Variants in RNF169 observed in about 807,000 individuals in gnomAD.
RNF169 encodes the protein E3 ubiquitin-protein ligase RNF169.
RNF169 carries 24 observed loss-of-function variants against 53.9 expected under a neutral mutation model. The observed-to-expected ratio is 0.45, with a 90% CI of 0.32 to 0.63. The LOEUF is 0.63. Among genes scored for constraint, RNF169 ranks in the 20% least tolerant of loss-of-function variants. The pLI, the probability that RNF169 is intolerant of heterozygous loss-of-function variation, is 0.04. For missense variants in RNF169, 883 were observed against 906.2 expected (o/e 0.97, Z 0.33); for synonymous variants, 396 against 363.5 (o/e 1.09, Z -1.02).
At chr11:74,797,405 CTTTA>C (rs1238833575) in intron 2 of RNF169, among the ~76,000 whole-genome samples, 1 of 152,008 alleles carries the variant, frequency 6.6e-6, no homozygotes, top group African/African-American at 2.4e-5. Flanking sequence ...TAAAAAGTAG[CTTTA>C]TTTATCTAGA....
intron 1 of RNF169, among the ~76,000 whole-genome samples, chr11:74,777,577 A>C (rs2035354846): frequency 6.6e-6 from 1 of 152,068 alleles, no homozygotes. Context: ...TTCTGGATTC[A>C]ACAAGAAACC....
At chr11:74,751,985 G>C (rs967849868) in intron 1 of RNF169, among the ~76,000 whole-genome samples, 3 of 152,040 alleles carry the variant, frequency 2.0e-5, no homozygotes, top group African/African-American at 4.8e-5. Flanking sequence ...TGTAATCCCA[G>C]CACTTTGGGA....
At chr11:74,806,983 G>A (rs117712666) in intron 2 of RNF169, among the ~76,000 whole-genome samples, 9,706 of 151,668 alleles carry the variant, frequency 0.064, 422 homozygotes, top group Middle Eastern at 0.14. Flanking sequence ...GATTCTTTTC[G>A]GGAAATAAAT....
chr11:74,781,744 A>G (rs1377242128), intron 1 of RNF169, among the ~76,000 whole-genome samples: 6 of 152,196 alleles, frequency 3.9e-5, no homozygotes, highest in Admixed American at 1.3e-4. Context: ...ATACATATAT[A>G]TAAGGCATAG....
At position 74,838,965 on chromosome 11, in the gene RNF169, C is replaced by T. The variant is rs565416691; in HGVS notation, c.*2235C>T. ...TCTATATCTCCAGTAATTTGAAAAA[C>T]ACTTTTCAGTTGGAATTGATTTTTG... On this transcript the variant is annotated 3_prime_UTR_variant, in exon 6 of 6. Coordinates refer to ENST00000299563, the MANE Select transcript of RNF169 (RefSeq NM_001098638.2). 4 of 152,236 alleles carry T rather than the reference C, an allele frequency of 2.6e-5. No homozygotes were observed. In the East Asian group the frequency reaches 7.7e-4, roughly 29 times the overall value. 9.4% of individuals were successfully genotyped at this position (152,236 alleles called of 1,614,324 possible). A position where few individuals can be genotyped will look rare whatever the true frequency, so the allele number is the denominator to read the frequency against.
chr11:74,785,431 G>T (rs1052282518), intron 1 of RNF169, among the ~76,000 whole-genome samples: 42 of 148,632 alleles, frequency 2.8e-4, no homozygotes, highest in African/African-American at 9.6e-4. Flanking sequence ...CGTTCTTTTT[G>T]CAAGCCCACA....
chr11:74,796,814 C>G (rs79895936), intron 2 of RNF169, among the ~76,000 whole-genome samples: 3,601 of 152,250 alleles, frequency 0.024, 122 homozygotes, highest in African/African-American at 0.083. Context: ...ATTGGTTTCT[C>G]GACCTATCCA....
chr11:74,817,161 A>C (rs559276937), intron 3 of RNF169, among the ~76,000 whole-genome samples: 3 of 152,224 alleles, frequency 2.0e-5, no homozygotes, highest in Non-Finnish European at 4.4e-5. Flanking sequence ...AGTTTTATCC[A>C]TGTATTAACC....
intron 2 of RNF169, among the ~76,000 whole-genome samples, chr11:74,789,971 G>A (rs967792125): frequency 6.6e-6 from 1 of 152,172 alleles, no homozygotes; most frequent in South Asian, 2.1e-4. Flanking sequence ...CACCAGAGAA[G>A]TATTCTTGGT....
At chr11:74,797,751 A>G (rs2035670265) in intron 2 of RNF169, among the ~76,000 whole-genome samples, 1 of 152,190 alleles carries the variant, frequency 6.6e-6, no homozygotes, top group Non-Finnish European at 1.5e-5. Context: ...AGGCTGAGGT[A>G]GAAGGATCAT....
chr11:74,808,387 A>G (rs1314613117), intron 2 of RNF169, among the ~76,000 whole-genome samples: 1 of 152,216 alleles, frequency 6.6e-6, no homozygotes, highest in African/African-American at 2.4e-5. Context: ...GGAGGGGGCT[A>G]TCCTGTGCAT....
At chr11:74,811,868 T>C (rs1389791896) in intron 3 of RNF169, among the ~76,000 whole-genome samples, 1 of 152,220 alleles carries the variant, frequency 6.6e-6, no homozygotes, top group Non-Finnish European at 1.5e-5. Context: ...TAGTATGTTG[T>C]ATGACTAGTA....
intron 1 of RNF169, among the ~76,000 whole-genome samples, chr11:74,771,126 A>T (rs1234439136): frequency 1.3e-5 from 2 of 152,030 alleles, no homozygotes; most frequent in Non-Finnish European, 2.9e-5. Flanking sequence ...CATTTTTGAT[A>T]CTTAGTCATA....
chr11:74,779,157 C>T (rs970565056), intron 1 of RNF169, among the ~76,000 whole-genome samples: 2 of 151,900 alleles, frequency 1.3e-5, no homozygotes, highest in East Asian at 1.9e-4. Context: ...AAAAGTTTTG[C>T]GATATTTCAG....
intron 1 of RNF169, among the ~76,000 whole-genome samples, chr11:74,785,302 G>GAT (rs919297365): frequency 4.5e-4 from 63 of 140,736 alleles, no homozygotes; most frequent in East Asian, 1.0e-3. Context: ...ATATATTAGA[G>GAT]ATATATATAT....
chr11:74,781,444 A>G (rs1380359393), intron 1 of RNF169, among the ~76,000 whole-genome samples: 1 of 152,234 alleles, frequency 6.6e-6, no homozygotes, highest in East Asian at 1.9e-4. Context: ...AAATAGATCC[A>G]TGTGTGTCCC....
chr11:74,796,921 G>A (rs1242095626), intron 2 of RNF169, among the ~76,000 whole-genome samples: 1 of 152,140 alleles, frequency 6.6e-6, no homozygotes, highest in African/African-American at 2.4e-5. Flanking sequence ...CTATTCACAG[G>A]TGTACACTAC....
intron 4 of RNF169, among the ~76,000 whole-genome samples, chr11:74,820,783 A>C (rs796484186): frequency 6.6e-6 from 1 of 152,344 alleles, no homozygotes; most frequent in African/African-American, 2.4e-5. Flanking sequence ...CGTCAGTAAT[A>C]TCTCTGCCAT....
intron 4 of RNF169, among the ~76,000 whole-genome samples, chr11:74,826,571 GC>G (rs2036101057): frequency 2.0e-5 from 3 of 152,086 alleles, no homozygotes; most frequent in African/African-American, 7.2e-5. Context: ...CTTTCCAACA[GC>G]CCCCCAAAGT....
Sources: gnomAD v4.1 joint callset for allele counts (sites outside exome capture counted in the v4.1 genomes callset) on GRCh38, gnomAD v4.1.1 for gene constraint, MANE v1.5 for transcripts, NCBI Gene and HGNC (gene_info 2026-07-23, HGNC 2026-07-21) for gene names.